The following NXPE2 variants were observed in gnomAD, a reference collection of about 807,000 sequenced individuals.
The protein encoded by NXPE2 is neurexophilin and PC-esterase domain family member 2.
A neutral mutation model predicts 34.4 loss-of-function variants in NXPE2; 34 were observed. The observed-to-expected ratio is 0.99, with a 90% CI of 0.75 to 1.31. The LOEUF (loss-of-function observed/expected upper bound fraction) is 1.31, where lower values mean the gene tolerates loss of function less well. NXPE2 is among the 40% of genes most tolerant of loss of function. The probability of loss-of-function intolerance (pLI) is 0.00; values close to 1 mark genes in which losing one functional copy is unlikely to be tolerated. For missense variants in NXPE2, 649 were observed against 672.5 expected (o/e 0.97, Z 0.39); for synonymous variants, 235 against 231.3 (o/e 1.02, Z -0.15).
chr11:114,587,725 C>T, the NXPE2 span, among the ~76,000 whole-genome samples: 8 of 152,188 alleles, frequency 5.3e-5, no homozygotes, highest in Non-Finnish European at 1.0e-4. Flanking sequence ...CCAAAGGAAA[C>T]GAAGGTGACT....
chr11:114,665,199 G>T, the NXPE2 span, among the ~76,000 whole-genome samples: 1 of 152,040 alleles, frequency 6.6e-6, no homozygotes, highest in Non-Finnish European at 1.5e-5. Flanking sequence ...AATACAGAAA[G>T]TAATATCTAT....
the NXPE2 span, among the ~76,000 whole-genome samples, chr11:114,656,522 A>G: frequency 2.6e-5 from 4 of 152,114 alleles, no homozygotes; most frequent in Non-Finnish European, 4.4e-5. Context: ...CAAGTTTTTC[A>G]TCTCTAAAAT....
the NXPE2 span, among the ~76,000 whole-genome samples, chr11:114,465,532 A>AG: frequency 1.3e-5 from 2 of 152,182 alleles, no homozygotes; most frequent in Non-Finnish European, 2.9e-5. Flanking sequence ...TTCGTGAGGG[A>AG]GGAAGGGTAT....
At chr11:114,470,582 CGTGTGTGTGTGTGTGTGT>C in the NXPE2 span, among the ~76,000 whole-genome samples, 55 of 144,832 alleles carry the variant, frequency 3.8e-4, no homozygotes, top group African/African-American at 1.1e-3. Flanking sequence ...AAAGAATTGA[CGTGTGTGTGTGTGTGTGT>C]GTGTGTGTGT....
chr11:114,499,069 A>G, the NXPE2 span, among the ~76,000 whole-genome samples: 1 of 152,114 alleles, frequency 6.6e-6, no homozygotes, highest in African/African-American at 2.4e-5. Flanking sequence ...TCCCATGGTT[A>G]TTGATATCCA....
At chr11:114,716,737 A>G in the NXPE2 span, among the ~76,000 whole-genome samples, 1 of 152,138 alleles carries the variant, frequency 6.6e-6, no homozygotes, top group African/African-American at 2.4e-5. Flanking sequence ...GACCTGCCCT[A>G]CTCAGAAGGC....
the NXPE2 span, among the ~76,000 whole-genome samples, chr11:114,632,032 A>T: frequency 2.1e-5 from 3 of 146,226 alleles, no homozygotes; most frequent in Non-Finnish European, 1.5e-5. Context: ...ATTATACTTT[A>T]TATATAATAT....
chr11:114,742,405 C>T, the NXPE2 span, among the ~76,000 whole-genome samples: 1 of 152,142 alleles, frequency 6.6e-6, no homozygotes, highest in African/African-American at 2.4e-5. Context: ...CTACACAGAT[C>T]ACATCAGTAT....
the NXPE2 span, among the ~76,000 whole-genome samples, chr11:114,615,181 C>T: frequency 6.6e-6 from 1 of 151,402 alleles, no homozygotes; most frequent in Non-Finnish European, 1.5e-5. Flanking sequence ...AGTAAGTATT[C>T]CTTCGTTGGT....
chr11:114,732,282 G>GT, the NXPE2 span, among the ~76,000 whole-genome samples: 8 of 152,268 alleles, frequency 5.3e-5, no homozygotes, highest in African/African-American at 1.7e-4. Context: ...TGACATTATA[G>GT]TTTTTGTCTT....
chr11:114,555,263 G>A, the NXPE2 span, among the ~76,000 whole-genome samples: 1 of 151,948 alleles, frequency 6.6e-6, no homozygotes, highest in African/African-American at 2.4e-5. Flanking sequence ...TTGCTCTGTT[G>A]CCCAGGCTGG....
chr11:114,727,943 G>A, the NXPE2 span, among the ~76,000 whole-genome samples: 43 of 152,044 alleles, frequency 2.8e-4, 3 homozygotes, highest in Admixed American at 1.4e-3. Context: ...GTTTTAGGTC[G>A]AAAGTAAAAA....
the NXPE2 span, among the ~76,000 whole-genome samples, chr11:114,799,720 C>A: frequency 6.6e-6 from 1 of 152,192 alleles, no homozygotes; most frequent in Non-Finnish European, 1.5e-5. Flanking sequence ...TGAGGCAAGC[C>A]TCAGTGCCAG....
the NXPE2 span, among the ~76,000 whole-genome samples, chr11:114,718,579 A>G: frequency 6.6e-6 from 1 of 152,314 alleles, no homozygotes; most frequent in African/African-American, 2.4e-5. Flanking sequence ...ATGCTCATCA[A>G]ACTAAAGGGG....
the NXPE2 span, among the ~76,000 whole-genome samples, chr11:114,592,245 A>G: frequency 1.3e-5 from 2 of 152,206 alleles, no homozygotes; most frequent in Non-Finnish European, 2.9e-5. Flanking sequence ...CCCTGTTTGC[A>G]GACCACATAA....
At chr11:114,739,657 C>T in the NXPE2 span, among the ~76,000 whole-genome samples, 1 of 152,018 alleles carries the variant, frequency 6.6e-6, no homozygotes, top group Non-Finnish European at 1.5e-5. Flanking sequence ...ACTGTAATCA[C>T]CATCCTGTAC....
At chr11:114,723,442 A>T in the NXPE2 span, among the ~76,000 whole-genome samples, 2 of 152,114 alleles carry the variant, frequency 1.3e-5, no homozygotes, top group African/African-American at 4.8e-5. Context: ...AAACACCAAG[A>T]TCCATTTTGG....
At chr11:114,726,952 A>G in the NXPE2 span, among the ~76,000 whole-genome samples, 6 of 120,104 alleles carry the variant, frequency 5.0e-5, no homozygotes, top group Admixed American at 3.4e-4. Context: ...GTATTGTCTA[A>G]GAAGACAGAA....
At chr11:114,478,779 A>G in the NXPE2 span, among the ~76,000 whole-genome samples, 1 of 152,194 alleles carries the variant, frequency 6.6e-6, no homozygotes, top group Non-Finnish European at 1.5e-5. Flanking sequence ...GCTTTGGAGA[A>G]AGCCCTTCAA....
Sources: gnomAD v4.1 joint callset for allele counts (sites outside exome capture counted in the v4.1 genomes callset) on GRCh38, gnomAD v4.1.1 for gene constraint, MANE v1.5 for transcripts, NCBI Gene and HGNC (gene_info 2026-07-23, HGNC 2026-07-21) for gene names.